The following PRDM16 variants were observed in gnomAD, a reference collection of about 807,000 sequenced individuals.
The protein encoded by PRDM16 is PR/SET domain 16, also known as histone-lysine N-methyltransferase PRDM16.
In PRDM16, 23 loss-of-function variants were observed where a neutral mutation model predicts 110.6. The observed-to-expected ratio is 0.21, with a 90% confidence interval of 0.15 to 0.29. PRDM16 has a LOEUF of 0.29. Among genes scored for constraint, PRDM16 ranks in the 10% least tolerant of loss-of-function variants. PRDM16 has a pLI of 1.00. For synonymous variants in PRDM16, 799 were observed against 781.8 expected (o/e 1.02, Z -0.37); for missense variants, 1,615 against 1,794.3 (o/e 0.90, Z 1.81).
chr1:3,425,839 C>T lies in PRDM16; in HGVS notation c.3109+89C>T, dbSNP rs902002821. ...GGGGGAACAGCAGGGGAGTGGGCGCCGGGCAGGGAAGAGGGCCACAGACTA... is the reference window on the plus strand; with the variant it reads ...GGGGGAACAGCAGGGGAGTGGGCGCTGGGCAGGGAAGAGGGCCACAGACTA... On this transcript the variant is annotated intron_variant, in intron 13 of 16. Transcript: ENST00000270722. The surrounding 1 kb of genome is among the most constrained non-coding windows in gnomAD (Gnocchi z 6.9). The T allele has an allele frequency of 9.4e-5, 143 of 1,516,898 alleles. No individual in the cohort carries two copies. The highest frequency in any genetic ancestry group is 7.0e-4 in the Admixed American group (39 of 55,792). The allele number at this position is 1,516,898 out of a possible 1,614,324, so 94.0% of individuals were successfully genotyped here. A position where few individuals can be genotyped will look rare whatever the true frequency, so the allele number is the denominator to read the frequency against.
intron 3 of PRDM16, among the ~76,000 whole-genome samples, chr1:3,287,841 C>T (rs1012142901): frequency 1.3e-5 from 2 of 150,244 alleles, no homozygotes; most frequent in Admixed American, 1.3e-4. Flanking sequence ...GGACTGCAGC[C>T]GCCCCGCCAC....
At chr1:3,102,306 C>T (rs1317404556) in intron 1 of PRDM16, among the ~76,000 whole-genome samples, 1 of 152,218 alleles carries the variant, frequency 6.6e-6, no homozygotes, top group East Asian at 1.9e-4. Flanking sequence ...TAGCTGTCCC[C>T]TCTGGTTTCC....
intron 3 of PRDM16, among the ~76,000 whole-genome samples, chr1:3,283,675 G>T (rs1052158792): frequency 6.6e-6 from 1 of 151,962 alleles, no homozygotes; most frequent in South Asian, 2.1e-4. Flanking sequence ...GGTGGTCAGC[G>T]AAGGGTTATG....
chr1:3,135,691 T>C (rs551829498), intron 1 of PRDM16, among the ~76,000 whole-genome samples: 1 of 152,208 alleles, frequency 6.6e-6, no homozygotes, highest in Non-Finnish European at 1.5e-5. Context: ...GCATTGTGGG[T>C]CCCGCACACA....
intron 1 of PRDM16, among the ~76,000 whole-genome samples, chr1:3,154,987 C>T (rs1569707588): frequency 6.6e-6 from 1 of 152,358 alleles, no homozygotes; most frequent in East Asian, 1.9e-4. Context: ...CTGGTAGAAA[C>T]AGACTGTTTC....
chr1:3,273,726 A>G (rs1640515083), intron 3 of PRDM16, among the ~76,000 whole-genome samples: 1 of 151,314 alleles, frequency 6.6e-6, no homozygotes, highest in Admixed American at 6.6e-5. Context: ...ATGTAAGCAC[A>G]TGTGTGTGCA....
At chr1:3,075,603 G>A (rs1641878779) in intron 1 of PRDM16, among the ~76,000 whole-genome samples, 1 of 152,266 alleles carries the variant, frequency 6.6e-6, no homozygotes, top group Non-Finnish European at 1.5e-5. Context: ...CTTTGCAAAT[G>A]CACTGTTAAA....
chr1:3,151,252 G>T, intron 1 of PRDM16, among the ~76,000 whole-genome samples: 1 of 152,232 alleles, frequency 6.6e-6, no homozygotes, highest in African/African-American at 2.4e-5. Context: ...TCTAGAGAAG[G>T]CTCGACCAAG....
At chr1:3,117,928 G>T (rs146661980) in intron 1 of PRDM16, among the ~76,000 whole-genome samples, 1 of 152,200 alleles carries the variant, frequency 6.6e-6, no homozygotes, top group Non-Finnish European at 1.5e-5. Flanking sequence ...TCCTGGTGCC[G>T]GAAATCCATG....
At chr1:3,247,731 T>TGCGTGCCCTCGCCGTCCCTGC (rs1553152467) in intron 3 of PRDM16, among the ~76,000 whole-genome samples, 1 of 150,998 alleles carries the variant, frequency 6.6e-6, no homozygotes, top group Non-Finnish European at 1.5e-5. Flanking sequence ...TGGTGCCCTA[T>TGCGTGCCCTCGCCGTCCCTGC]GCGTGCCCTC....
chr1:3,123,265 G>A (rs900071851), intron 1 of PRDM16, among the ~76,000 whole-genome samples: 2 of 152,194 alleles, frequency 1.3e-5, no homozygotes, highest in African/African-American at 4.8e-5. Context: ...CTGTCTCCAT[G>A]GCAGAGAGGC....
rs1049096606 is a variant in PRDM16, at chr1:3,209,519, G to T, written c.387+23045G>T. Among the ~76,000 whole-genome samples the T allele has an allele frequency of 2.0e-5, 3 of 152,196 alleles. No individual in the cohort carries two copies. The highest frequency in any genetic ancestry group is 2.9e-5 in the Non-Finnish European group (2 of 68,034). On this transcript the variant is annotated intron_variant, in intron 2 of 16. Coordinates refer to ENST00000270722, the MANE Select transcript of PRDM16 (RefSeq NM_022114.4). The surrounding 1 kb of genome is among the most constrained non-coding windows in gnomAD (Gnocchi z 4.6). Reference sequence around the variant, plus strand: ...CAGGCCTGGGTGTGGAATAGGCCTCGCTGGGAGGCCGTGGTTCTGCTCCTG... The same window carrying T: ...CAGGCCTGGGTGTGGAATAGGCCTCTCTGGGAGGCCGTGGTTCTGCTCCTG...
chr1:3,420,461 G>A (rs956550907), intron 12 of PRDM16, among the ~76,000 whole-genome samples: 6 of 152,340 alleles, frequency 3.9e-5, no homozygotes, highest in African/African-American at 1.2e-4. Flanking sequence ...TGGAGAGGTC[G>A]GGCTGACGCA....
chr1:3,389,548 G>A (rs1302241499), intron 4 of PRDM16, among the ~76,000 whole-genome samples: 2 of 152,212 alleles, frequency 1.3e-5, no homozygotes, highest in Non-Finnish European at 2.9e-5. Flanking sequence ...CCTCCTCATG[G>A]CTCATGGGAG....
intron 1 of PRDM16, among the ~76,000 whole-genome samples, chr1:3,179,797 G>A (rs1346121554): frequency 4.6e-5 from 7 of 152,314 alleles, no homozygotes; most frequent in Middle Eastern, 3.4e-3. Flanking sequence ...ATCCGGCCCC[G>A]AGTGATCTCG....
intron 1 of PRDM16, among the ~76,000 whole-genome samples, chr1:3,125,068 A>C (rs77009640): frequency 0.018 from 2,772 of 152,354 alleles, 43 homozygotes; most frequent in Non-Finnish European, 0.029. Flanking sequence ...CAGCTGACCC[A>C]AACCAACTAC....
At chr1:3,097,241 G>A (rs1266033564) in intron 1 of PRDM16, among the ~76,000 whole-genome samples, 3 of 152,212 alleles carry the variant, frequency 2.0e-5, no homozygotes, top group Non-Finnish European at 1.5e-5. Flanking sequence ...TCTCTGACGG[G>A]TCATCTGTTG....
intron 3 of PRDM16, among the ~76,000 whole-genome samples, chr1:3,287,177 C>T (rs1302383061): frequency 2.0e-5 from 3 of 152,212 alleles, no homozygotes; most frequent in Admixed American, 6.5e-5. Context: ...ATGTTGAAAC[C>T]GTGGTGCCTC....
In PRDM16 at chr1:3,145,233, C is replaced by T. The variant is rs192407354; in HGVS notation, c.38-40892C>T. Among the ~76,000 whole-genome samples, 24 of 152,300 alleles carry T rather than the reference C, an allele frequency of 1.6e-4. No individual in the cohort carries two copies. The East Asian group carries it at 2.5e-3, about 16-fold the overall frequency. On this transcript the variant is annotated intron_variant, in intron 1 of 16. Transcript: ENST00000270722. ...CCTGGTTGCTATCTAGGAACGTCCA[C>T]GTGCAGATGGAGAGGGTGCATGCGG...
Sources: gnomAD v4.1 joint callset for allele counts (sites outside exome capture counted in the v4.1 genomes callset) on GRCh38, gnomAD v4.1.1 for gene constraint, Gnocchi (gnomAD v3.1) non-coding constraint, MANE v1.5 for transcripts, NCBI Gene and HGNC (gene_info 2026-07-23, HGNC 2026-07-21) for gene names.